ACAD10: variants seen among roughly 807,000 people sequenced by gnomAD.
ACAD10 encodes acyl-CoA dehydrogenase family member 10, also known as ACAD-10.
A neutral mutation model predicts 116.8 loss-of-function variants in ACAD10; 112 were observed. The observed-to-expected ratio is 0.96, with a 90% CI of 0.82 to 1.12. The LOEUF (loss-of-function observed/expected upper bound fraction) is 1.12, where lower values mean the gene tolerates loss of function less well. Ranked by LOEUF, ACAD10 falls within the 50% of genes most tolerant of loss-of-function variation. ACAD10 has a pLI of 0.00. For missense variants in ACAD10, 1,259 were observed against 1,350.2 expected, an observed-to-expected ratio of 0.93 and a Z score of 1.06; for synonymous variants, 486 against 510.6, an observed-to-expected ratio of 0.95 and a Z score of 0.65.
At position 111,692,843 on chromosome 12, in the gene ACAD10, TG is replaced by T. The variant is rs757900291; in HGVS notation, c.135del (p.Ile46PhefsTer31). ...THLGGSTYRA[V>X]IFDMGGVLIP... ...CTTGGAGGCAGCACCTACAGAGCGG[TG>T]ATTTTCGACATGGGCGGAGTTCTCA... On this transcript the variant is annotated frameshift_variant, in exon 2 of 21. Coordinates refer to ENST00000313698, the MANE Select transcript of ACAD10 (RefSeq NM_025247.6). LOFTEE classifies it high-confidence loss of function. 9.3e-6 allele frequency: 15 copies of T among 1,614,022 alleles called. No individual in the cohort carries two copies. Among genetic ancestry groups the T allele is most frequent in the Admixed American group, 1.7e-5 (1 of 59,982 alleles).
intron 20 of ACAD10, chr12:111,756,082 G>A (rs1238364397): frequency 7.5e-7 from 1 of 1,342,118 alleles, no homozygotes; most frequent in Non-Finnish European, 9.8e-7. Context: ...CGCCTCCTTA[G>A]ATCCTAACCC....
At chr12:111,706,690 A>T (rs1250793807) in intron 4 of ACAD10, among the ~76,000 whole-genome samples, 3 of 151,034 alleles carry the variant, frequency 2.0e-5, no homozygotes, top group African/African-American at 7.3e-5. Context: ...ACCTCAAGTG[A>T]TCCACCCACC....
In ACAD10 at chr12:111,729,962, T is replaced by A. The variant is rs1443580391; in HGVS notation, c.1394+6T>A. The A allele has an allele frequency of 6.2e-7, 1 of 1,612,718 alleles. No homozygotes were observed. Among genetic ancestry groups the A allele is most frequent in the African/African-American group, 1.3e-5 (1 of 74,882 alleles). Reference sequence around the variant, plus strand: ...GTGGTGCACGGGGACTTCAGGTAGATGTGGTGGCAGGGAGAGCTGAAAAAT... The same window carrying A: ...GTGGTGCACGGGGACTTCAGGTAGAAGTGGTGGCAGGGAGAGCTGAAAAAT... On this transcript the variant is annotated splice_donor_region_variant and intron_variant, in intron 10 of 20. Coordinates refer to ENST00000313698, the MANE Select transcript of ACAD10 (RefSeq NM_025247.6).
At chr12:111,743,959 C>T (rs929605030) in intron 12 of ACAD10, among the ~76,000 whole-genome samples, 1 of 150,888 alleles carries the variant, frequency 6.6e-6, no homozygotes, top group Non-Finnish European at 1.5e-5. Context: ...TGTTGGCCAG[C>T]CTGGTCTTGA....
intron 9 of ACAD10, 48 bp from the exon 10 acceptor site, chr12:111,729,758 C>T (rs1255025967): frequency 1.9e-6 from 3 of 1,592,688 alleles, no homozygotes; most frequent in South Asian, 2.2e-5. Flanking sequence ...CCGCTACTTT[C>T]AGAGGTTGCT....
chr12:111,738,749 C>G (rs569018715), intron 12 of ACAD10, among the ~76,000 whole-genome samples: 3 of 151,914 alleles, frequency 2.0e-5, no homozygotes, highest in African/African-American at 4.8e-5. Flanking sequence ...CGCCTAAAAT[C>G]CCAGCTACTC....
intron 2 of ACAD10, among the ~76,000 whole-genome samples, chr12:111,694,447 A>C (rs1399210976): frequency 6.6e-6 from 1 of 152,160 alleles, no homozygotes; most frequent in Non-Finnish European, 1.5e-5. Flanking sequence ...CCCTATGGTG[A>C]GCTAGGATTG....
chr12:111,739,504 C>A (rs1027280835), intron 12 of ACAD10, among the ~76,000 whole-genome samples: 3 of 152,202 alleles, frequency 2.0e-5, no homozygotes, highest in African/African-American at 7.2e-5. Context: ...CGCCTGTAAT[C>A]CCAGCACTGT....
At chr12:111,736,185 G>GTTTTT (rs35268951) in intron 11 of ACAD10, among the ~76,000 whole-genome samples, 2 of 97,750 alleles carry the variant, frequency 2.0e-5, no homozygotes, top group African/African-American at 4.0e-5. Flanking sequence ...CCAGCCAATT[G>GTTTTT]TTTTTTTTTT....
chr12:111,746,160 A>ACTT lies in ACAD10; in HGVS notation c.2132_2133insCTT (p.Glu711delinsAspLeu), dbSNP rs757528430. ...CCATGATAGGAGAAAGCCAAAGCTGAAGGACTTTGGAACCTTTTCCTACCC... is the reference window on the plus strand; with the variant it reads ...CCATGATAGGAGAAAGCCAAAGCTGACTTAGGACTTTGGAACCTTTTCCTACCC... On this transcript the variant is annotated protein_altering_variant, in exon 14 of 21. Transcript: ENST00000313698. 4.3e-6 allele frequency: 7 copies of ACTT among 1,613,352 alleles called. No homozygotes were observed. In the African/African-American group the frequency reaches 8.0e-5, roughly 18 times the overall value.
At position 111,692,902 on chromosome 12, in the gene ACAD10, C is replaced by T; in HGVS notation, c.187+6C>T. On this transcript the variant is annotated splice_donor_region_variant and intron_variant, in intron 2 of 20. Coordinates refer to ENST00000313698, the MANE Select transcript of ACAD10 (RefSeq NM_025247.6). The stretch of plus-strand genomic sequence containing the variant: ...TCCAGGGAGAGTCGCTGCAGGTGAG[C>T]TATTGATTCTGTTTCACTTTGTGGG... 5 of 1,612,966 alleles carry T rather than the reference C, an allele frequency of 3.1e-6. No individual in the cohort carries two copies. Among genetic ancestry groups the T allele is most frequent in the Non-Finnish European group, 4.2e-6 (5 of 1,179,430 alleles).
At chr12:111,692,934 G>A (rs545061463) in intron 2 of ACAD10, 38 bp downstream of exon 2, 14 of 1,601,088 alleles carry the variant, frequency 8.7e-6, no homozygotes, top group Admixed American at 1.7e-5. Flanking sequence ...TGGGACTAGA[G>A]TGGTGGTGGG....
At chr12:111,733,215 A>C (rs1245780874) in intron 10 of ACAD10, among the ~76,000 whole-genome samples, 1 of 152,106 alleles carries the variant, frequency 6.6e-6, no homozygotes, top group African/African-American at 2.4e-5. Context: ...CTCCCACCTT[A>C]GCCTCCTGAG....
At chr12:111,720,454 A>G (rs1888984221) in intron 7 of ACAD10, among the ~76,000 whole-genome samples, 1 of 152,256 alleles carries the variant, frequency 6.6e-6, no homozygotes, top group East Asian at 1.9e-4. Context: ...TTTACTTGAT[A>G]TATTTCGAAG....
Position 111,736,992 on chromosome 12 carries a change from C to T in ACAD10, c.1702C>T (p.Arg568Ter), listed in dbSNP as rs544200576. ...VAAILQGVYK[R>*]SLTGQASSTY... ...TGCAATCCTACAGGGAGTCTACAAG[C>T]GATCACTCACAGGTAATGGGATGGC... The change falls in exon 12 of 21, where the codon CGA becomes TGA. Residue 568 changes from arginine (R) to a stop codon, truncating the protein, a stop_gained. Coordinates refer to ENST00000313698, the MANE Select transcript of ACAD10 (RefSeq NM_025247.6). LOFTEE classifies it high-confidence loss of function. The T allele has an allele frequency of 1.1e-5, 17 of 1,613,456 alleles. No individual in the cohort carries two copies. In the East Asian group the frequency reaches 3.3e-4, roughly 32 times the overall value.
intron 7 of ACAD10, among the ~76,000 whole-genome samples, chr12:111,718,077 T>TCTTG: frequency 7.5e-6 from 1 of 132,768 alleles, no homozygotes; most frequent in Non-Finnish European, 1.6e-5. Flanking sequence ...TGAAATGGAG[T>TCTTG]CTTGCTTTGT....
intron 3 of ACAD10, 45 bp from the exon 4 acceptor site, chr12:111,705,693 C>A: frequency 6.5e-7 from 1 of 1,534,074 alleles, no homozygotes; most frequent in African/African-American, 1.4e-5. Flanking sequence ...GAGTGTTTGT[C>A]ACTCTTAATG....
In ACAD10 at chr12:111,705,841, C is replaced by T; in HGVS notation, c.440C>T (p.Ala147Val). ...ACTGAGGCCATAACTCAAATTCGGGCAAAAGGTCTTCAGACTGCAGTCTTG... is the reference window on the plus strand; with the variant it reads ...ACTGAGGCCATAACTCAAATTCGGGTAAAAGGTCTTCAGACTGCAGTCTTG... Reference protein sequence around the residue: ...VMTEAITQIRAKGLQTAVLSN... With the variant: ...VMTEAITQIRVKGLQTAVLSN... Residue 147 changes from alanine (A) to valine (V), a missense_variant, in exon 4 of 21, where the codon GCA (alanine) becomes GTA (valine). Physicochemically the swap from Ala to Val is moderately conservative, Grantham distance 64. Transcript: ENST00000313698. The T allele has an allele frequency of 1.9e-6, 3 of 1,614,174 alleles. No individual in the cohort carries two copies. Among genetic ancestry groups the T allele is most frequent in the Non-Finnish European group, 2.5e-6 (3 of 1,180,036 alleles).
At position 111,733,990 on chromosome 12, in the gene ACAD10, A is replaced by T. The variant is rs1461949355; in HGVS notation, c.1462A>T (p.Thr488Ser). The change falls in exon 11 of 21, where the codon ACC becomes TCC. Residue 488 changes from threonine (T) to serine (S), a missense_variant. Coordinates refer to ENST00000313698, the MANE Select transcript of ACAD10 (RefSeq NM_025247.6). The stretch of plus-strand genomic sequence containing the variant: ...TGCTGTCCTTGACTGGGAACTTTCT[A>T]CCTTGGGCGACCCCCTTGCTGATGT... The part of the protein sequence containing the change: ...VLAVLDWELS[T>S]LGDPLADVAY... The T allele has an allele frequency of 6.2e-7, 1 of 1,614,116 alleles. No homozygotes were observed. Among genetic ancestry groups the T allele is most frequent in the Non-Finnish European group, 8.5e-7 (1 of 1,180,014 alleles).
Sources: gnomAD v4.1 joint callset for allele counts (sites outside exome capture counted in the v4.1 genomes callset) on GRCh38, gnomAD v4.1.1 for gene constraint, MANE v1.5 for transcripts, NCBI Gene and HGNC (gene_info 2026-07-23, HGNC 2026-07-21) for gene names.